IQSEC3: variants seen among roughly 807,000 people sequenced by gnomAD.
IQSEC3 encodes IQ motif and Sec7 domain ArfGEF 3, also known as IQ motif and SEC7 domain-containing protein 3.
In IQSEC3, 50 loss-of-function variants were observed where a neutral mutation model predicts 105.4. That is an observed-to-expected ratio of 0.47 (90% CI 0.38 to 0.60). The LOEUF is 0.60. Among genes scored for constraint, IQSEC3 ranks in the 20% least tolerant of loss-of-function variants. The pLI, the probability that IQSEC3 is intolerant of heterozygous loss-of-function variation, is 0.00. For synonymous variants in IQSEC3, 708 were observed against 746.0 expected, an observed-to-expected ratio of 0.95 and a Z score of 0.83; for missense variants, 1,415 against 1,630.0, an observed-to-expected ratio of 0.87 and a Z score of 2.27.
rs1172438820 is a variant in IQSEC3, at chr12:152,436, G to A, written c.2154-4589G>A. Among the ~76,000 whole-genome samples the A allele has an allele frequency of 1.3e-5, 2 of 152,226 alleles. No individual in the cohort carries two copies. The highest frequency in any genetic ancestry group is 2.9e-5 in the Non-Finnish European group (2 of 68,038). On this transcript the variant is annotated intron_variant, in intron 5 of 13. Transcript: ENST00000538872. This position sits in a 1 kb window ranked among gnomAD's most constrained non-coding sequence, Gnocchi z 4.8. ...CCACTGAGCAGCAGAGAGCCAGGGA[G>A]AGGTGAGGGAGAGGAGGGCACAGGG... is the stretch of plus-strand genomic sequence containing the variant.
At chr12:118,219 G>T (rs747586671) in intron 2 of IQSEC3, among the ~76,000 whole-genome samples, 1 of 152,128 alleles carries the variant, frequency 6.6e-6, no homozygotes, top group African/African-American at 2.4e-5. Flanking sequence ...CTTCCAGCTC[G>T]GGCTTCGAAT....
At position 163,530 on chromosome 12, in the gene IQSEC3, A is replaced by G; in HGVS notation, c.2620A>G (p.Ser874Gly). The G allele has an allele frequency of 1.2e-6, 2 of 1,611,636 alleles. No individual in the cohort carries two copies. Among genetic ancestry groups the G allele is most frequent in the Non-Finnish European group, 1.7e-6 (2 of 1,179,322 alleles). ...SVPHRRLVCCSRLFEVTDVNK... is the reference protein window; with the variant it reads ...SVPHRRLVCCGRLFEVTDVNK... ...GCCCCACCGCCGCCTGGTGTGCTGC[A>G]GCCGGCTCTTCGAGGTGACGGATGT... Residue 874 changes from serine to glycine, a missense_variant, in exon 9 of 14, where the codon AGC (serine) becomes GGC (glycine). Physicochemically the swap from Ser to Gly is moderately conservative, Grantham distance 56. Transcript: ENST00000538872.
At chr12:123,320 A>C (rs1301327764) in intron 2 of IQSEC3, among the ~76,000 whole-genome samples, 3 of 152,118 alleles carry the variant, frequency 2.0e-5, no homozygotes, top group African/African-American at 7.2e-5. Flanking sequence ...ACCCACCTGG[A>C]GTCCCAGGTA....
In IQSEC3 at chr12:99,174, TGCCCAGCCGCCGAC is replaced by T; in HGVS notation, c.587_600del (p.Pro196LeufsTer9). Reference sequence around the variant, plus strand: ...TGAGACCGTGCTGCACCAGTTCTGCTGCCCAGCCGCCGACGCCTGCTCCGACCTGGCCTCCCAAA... The same window carrying T: ...TGAGACCGTGCTGCACCAGTTCTGCTGCCTGCTCCGACCTGGCCTCCCAAA... On this transcript the variant is annotated frameshift_variant, in exon 2 of 14. Coordinates refer to ENST00000538872, the MANE Select transcript of IQSEC3 (RefSeq NM_001170738.2). LOFTEE classifies it high-confidence loss of function. 2.5e-6 allele frequency: 4 copies of T among 1,598,966 alleles called. No individual in the cohort carries two copies. Among genetic ancestry groups the T allele is most frequent in the Non-Finnish European group, 3.4e-6 (4 of 1,179,760 alleles).
At chr12:169,242 G>A in intron 12 of IQSEC3, 137 bp downstream of exon 12, 1 of 671,488 alleles carries the variant, frequency 1.5e-6, no homozygotes, top group Admixed American at 2.7e-5. Flanking sequence ...CGCCAGGCTT[G>A]CCTTCTTTAA....
chr12:80,634 C>T (rs1863711935), intron 1 of IQSEC3, among the ~76,000 whole-genome samples: 1 of 151,966 alleles, frequency 6.6e-6, no homozygotes, highest in African/African-American at 2.4e-5. Context: ...TATTCTAGGC[C>T]CTGGGGTATA....
intron 2 of IQSEC3, among the ~76,000 whole-genome samples, chr12:100,775 A>G (rs1864399001): frequency 6.6e-6 from 1 of 152,184 alleles, no homozygotes; most frequent in Non-Finnish European, 1.5e-5. Flanking sequence ...CCTCAAAAGA[A>G]AAACTGCTCA....
At chr12:124,771 G>A (rs1463404730) in intron 2 of IQSEC3, among the ~76,000 whole-genome samples, 1 of 152,188 alleles carries the variant, frequency 6.6e-6, no homozygotes, top group East Asian at 1.9e-4. Context: ...GGCAGAACTT[G>A]GAGGCTAGTG....
intron 3 of IQSEC3, among the ~76,000 whole-genome samples, chr12:135,079 G>A (rs1013137775): frequency 7.9e-5 from 12 of 152,176 alleles, no homozygotes; most frequent in Admixed American, 5.9e-4. Context: ...ATGGTGAGCC[G>A]AGATCGTGCC....
At chr12:95,355 A>C (rs1864212608) in intron 1 of IQSEC3, among the ~76,000 whole-genome samples, 1 of 152,266 alleles carries the variant, frequency 6.6e-6, no homozygotes, top group Non-Finnish European at 1.5e-5. Flanking sequence ...TCTGTAACAA[A>C]AAATGTATTA....
chr12:167,992 G>A lies in IQSEC3; in HGVS notation c.2972-1021G>A, dbSNP rs556159629. Among the ~76,000 whole-genome samples, 9 of 152,316 alleles carry A rather than the reference G, an allele frequency of 5.9e-5. No individual in the cohort carries two copies. The East Asian group carries it at 1.7e-3, about 29-fold the overall frequency. ...TGAGTAGAAATATTTAGCATTGATCGATGGGATGGTGTGATTTAGGCAACC... is the reference window on the plus strand; with the variant it reads ...TGAGTAGAAATATTTAGCATTGATCAATGGGATGGTGTGATTTAGGCAACC... On this transcript the variant is annotated intron_variant, in intron 11 of 13. Coordinates refer to ENST00000538872, the MANE Select transcript of IQSEC3 (RefSeq NM_001170738.2).
intron 4 of IQSEC3, 68 bp from the exon 5 acceptor site, chr12:141,056 A>G (rs1194949263): frequency 1.3e-5 from 19 of 1,474,654 alleles, no homozygotes; most frequent in Non-Finnish European, 1.8e-5. Context: ...TGGGTGGAAG[A>G]CAGGGAGGAA....
intron 6 of IQSEC3, among the ~76,000 whole-genome samples, 187 bp from the exon 7 acceptor site, chr12:157,341 C>G (rs1225583228): frequency 2.6e-5 from 4 of 152,128 alleles, no homozygotes; most frequent in African/African-American, 4.8e-5. Flanking sequence ...CTCGAGCTCC[C>G]CAGGCTGGAA....
intron 7 of IQSEC3, 46 bp from the exon 8 acceptor site, chr12:161,880 C>T: frequency 1.3e-6 from 2 of 1,489,724 alleles, no homozygotes; most frequent in Non-Finnish European, 1.8e-6. Flanking sequence ...CTCTGACACC[C>T]TCCCTCCCAA....
chr12:109,318 C>T (rs1864791559), intron 2 of IQSEC3, among the ~76,000 whole-genome samples: 1 of 152,298 alleles, frequency 6.6e-6, no homozygotes, highest in African/African-American at 2.4e-5. Flanking sequence ...TCCAGCCCTG[C>T]AGCCCTCCTT....
chr12:120,299 G>A (rs1865176193), intron 2 of IQSEC3, among the ~76,000 whole-genome samples: 1 of 152,186 alleles, frequency 6.6e-6, no homozygotes, highest in Non-Finnish European at 1.5e-5. Flanking sequence ...TCCAGCAGAA[G>A]GAAATCATAA....
At position 74,471 on chromosome 12, in the gene IQSEC3, G is replaced by A. The variant is rs575598579; in HGVS notation, c.554+7035G>A. Among the ~76,000 whole-genome samples, 29 of 152,396 alleles carry A rather than the reference G, an allele frequency of 1.9e-4. No homozygotes were observed. In the East Asian group the frequency reaches 4.4e-3, roughly 23 times the overall value. On this transcript the variant is annotated intron_variant, in intron 1 of 13. Coordinates refer to ENST00000538872, the MANE Select transcript of IQSEC3 (RefSeq NM_001170738.2). ...AGACTGCTGATGTGTGTGTGTGCCC[G>A]GGTGGGGGTGGAGGGCAGACTGTTT...
chr12:105,156 G>T (rs371649073), intron 2 of IQSEC3, among the ~76,000 whole-genome samples: 2 of 152,268 alleles, frequency 1.3e-5, no homozygotes, highest in African/African-American at 4.8e-5. Context: ...CAAGCTCTGG[G>T]TCTCTGCCTC....
chr12:93,317 G>T (rs117891592), intron 1 of IQSEC3, among the ~76,000 whole-genome samples: 2,240 of 152,336 alleles, frequency 0.015, 28 homozygotes, highest in Non-Finnish European at 0.02. Context: ...GACAGAAGCA[G>T]GTTGTGCCCA....
Sources: allele counts gnomAD v4.1 joint callset (sites outside exome capture counted in the v4.1 genomes callset), GRCh38; gene constraint gnomAD v4.1.1; non-coding constraint Gnocchi (gnomAD v3.1); transcripts MANE v1.5; gene names NCBI Gene and HGNC (gene_info 2026-07-23, HGNC 2026-07-21).